LPP: variants seen among roughly 807,000 people sequenced by gnomAD.
LPP encodes the protein LIM domain containing preferred translocation partner in lipoma.
Under a neutral mutation model 60.4 loss-of-function variants are expected in LPP, and 38 were observed. The ratio of observed to expected loss-of-function variants is 0.63; its 90% CI spans 0.49 to 0.83. LPP has a LOEUF of 0.83. Ranked by LOEUF, LPP falls within the 40% of genes least tolerant of loss-of-function variation. The probability of loss-of-function intolerance (pLI) is 0.00; values close to 1 mark genes in which losing one functional copy is unlikely to be tolerated. For synonymous variants in LPP, 328 were observed against 290.8 expected (o/e 1.13, Z -1.30); for missense variants, 902 against 783.6 (o/e 1.15, Z -1.80).
chr3:188,772,439 A>T (rs1560184575), intron 9 of LPP, among the ~76,000 whole-genome samples: 1 of 152,180 alleles, frequency 6.6e-6, no homozygotes, highest in Non-Finnish European at 1.5e-5. Context: ...TCCAGTACTG[A>T]CAGGAACCCC....
chr3:188,521,607 ATTAAT>A (rs1818895213), intron 5 of LPP, among the ~76,000 whole-genome samples: 1 of 152,222 alleles, frequency 6.6e-6, no homozygotes, highest in African/African-American at 2.4e-5. Context: ...TATTATTCAT[ATTAAT>A]TTATAGTTAC....
At chr3:188,644,390 T>A (rs1015894920) in intron 7 of LPP, among the ~76,000 whole-genome samples, 1 of 152,166 alleles carries the variant, frequency 6.6e-6, no homozygotes, top group Non-Finnish European at 1.5e-5. Flanking sequence ...TCCAAGAATT[T>A]TGAACACCCT....
intron 3 of LPP, among the ~76,000 whole-genome samples, chr3:188,360,065 A>T (rs902569398): frequency 2.0e-5 from 3 of 152,054 alleles, no homozygotes; most frequent in African/African-American, 7.2e-5. Flanking sequence ...TACTTGACAT[A>T]TTTTGAGTTT....
chr3:188,804,510 T>C (rs1252483708), intron 9 of LPP, among the ~76,000 whole-genome samples: 5 of 151,468 alleles, frequency 3.3e-5, no homozygotes, highest in Non-Finnish European at 7.4e-5. Flanking sequence ...TTGGATACAG[T>C]CCAGTACTCA....
chr3:188,428,543 C>T (rs1220985807), intron 4 of LPP, among the ~76,000 whole-genome samples: 2 of 151,072 alleles, frequency 1.3e-5, no homozygotes, highest in Non-Finnish European at 2.9e-5. Flanking sequence ...TGGGTCTCAC[C>T]CTCAAGTATT....
intron 1 of LPP, among the ~76,000 whole-genome samples, chr3:188,158,251 G>A (rs1182985763): frequency 6.6e-6 from 1 of 152,148 alleles, no homozygotes; most frequent in African/African-American, 2.4e-5. Context: ...TGGCTTTGGA[G>A]GGCTGTGCTT....
At chr3:188,821,931 C>A (rs1442543810) in intron 9 of LPP, among the ~76,000 whole-genome samples, 1 of 151,996 alleles carries the variant, frequency 6.6e-6, no homozygotes, top group Admixed American at 6.6e-5. Flanking sequence ...AAATTATGAT[C>A]TATTGATTTA....
At chr3:188,577,120 C>A (rs1265722159) in intron 6 of LPP, among the ~76,000 whole-genome samples, 2 of 152,126 alleles carry the variant, frequency 1.3e-5, no homozygotes, top group East Asian at 3.9e-4. Context: ...TTTTTAAGAT[C>A]ACTGAGCTCT....
intron 2 of LPP, among the ~76,000 whole-genome samples, chr3:188,252,405 G>C (rs1399604049): frequency 7.0e-6 from 1 of 142,956 alleles, no homozygotes; most frequent in Non-Finnish European, 1.5e-5. Context: ...CCTATGCTTG[G>C]ACAGTTGGAT....
chr3:188,265,540 G>A (rs551211570), intron 2 of LPP, among the ~76,000 whole-genome samples: 1 of 152,268 alleles, frequency 6.6e-6, no homozygotes, highest in Non-Finnish European at 1.5e-5. Flanking sequence ...AGTTAGGAAC[G>A]CTGTGAGAAG....
intron 2 of LPP, among the ~76,000 whole-genome samples, chr3:188,305,934 G>C (rs1751389893): frequency 6.6e-6 from 1 of 152,176 alleles, no homozygotes; most frequent in South Asian, 2.1e-4. Flanking sequence ...GGGGAGCATA[G>C]TATGGTGGAG....
intron 7 of LPP, among the ~76,000 whole-genome samples, chr3:188,642,601 G>A (rs1195529736): frequency 6.6e-6 from 1 of 152,120 alleles, no homozygotes; most frequent in East Asian, 1.9e-4. Context: ...GTCAACAATT[G>A]GGATAAAATG....
chr3:188,480,091 C>T (rs1049601477), intron 4 of LPP, among the ~76,000 whole-genome samples: 1 of 152,194 alleles, frequency 6.6e-6, no homozygotes, highest in African/African-American at 2.4e-5. Flanking sequence ...ATCCCTGCTT[C>T]TCAAGGCCGC....
At chr3:188,545,791 GAACTTA>G (rs1826480891) in intron 6 of LPP, among the ~76,000 whole-genome samples, 1 of 152,098 alleles carries the variant, frequency 6.6e-6, no homozygotes, top group Non-Finnish European at 1.5e-5. Context: ...CTTAGTTTTA[GAACTTA>G]CACAGAGTGT....
chr3:188,594,018 C>G (rs1367602891), intron 6 of LPP, among the ~76,000 whole-genome samples: 1 of 152,156 alleles, frequency 6.6e-6, no homozygotes, highest in East Asian at 1.9e-4. Flanking sequence ...TGATACTCTT[C>G]TATGGCATAG....
At chr3:188,156,039 C>G (rs551584921) in intron 1 of LPP, among the ~76,000 whole-genome samples, 2 of 152,202 alleles carry the variant, frequency 1.3e-5, no homozygotes, top group African/African-American at 4.8e-5. Flanking sequence ...ACAACAACAA[C>G]AAACAAAGGA....
intron 9 of LPP, among the ~76,000 whole-genome samples, chr3:188,864,262 A>G (rs1351565307): frequency 3.3e-5 from 5 of 152,238 alleles, no homozygotes; most frequent in Non-Finnish European, 7.3e-5. Flanking sequence ...GGATTTACCA[A>G]TTCATCTTGG....
intron 6 of LPP, among the ~76,000 whole-genome samples, chr3:188,550,190 G>C (rs1827724946): frequency 6.6e-6 from 1 of 152,086 alleles, no homozygotes; most frequent in Admixed American, 6.6e-5. Flanking sequence ...AAACCCCTCT[G>C]TGAGAAATAA....
In LPP at chr3:188,356,236, A is replaced by G. The variant is rs994932455; in HGVS notation, c.-10+14517A>G. On this transcript the variant is annotated intron_variant, in intron 3 of 11. Transcript: ENST00000617246. The stretch of plus-strand genomic sequence containing the variant: ...TTTCCTACTAAAAGGGCAGAGTCTT[A>G]GAACATAAATATTATATATGTGGAA... 7.2e-5 allele frequency among the ~76,000 whole-genome samples: 11 copies of G among 152,348 alleles called. No homozygotes were observed. The South Asian group carries it at 2.3e-3, about 32-fold the overall frequency.
Sources: allele counts gnomAD v4.1 joint callset (sites outside exome capture counted in the v4.1 genomes callset), GRCh38; gene constraint gnomAD v4.1.1; transcripts MANE v1.5; gene names NCBI Gene and HGNC (gene_info 2026-07-23, HGNC 2026-07-21).